ZFHX3: variants seen among roughly 807,000 people sequenced by gnomAD.
ZFHX3 encodes the protein zinc finger homeobox protein 3.
In ZFHX3, 42 loss-of-function variants were observed where a neutral mutation model predicts 279.1. The ratio of observed to expected loss-of-function variants is 0.15; its 90% CI spans 0.12 to 0.19. ZFHX3 has a LOEUF of 0.19. Ranked by LOEUF, ZFHX3 falls within the 10% of genes least tolerant of loss-of-function variation. The pLI is 1.00. For missense variants in ZFHX3, 4,981 were observed against 4,754.0 expected (o/e 1.05, Z -1.40); for synonymous variants, 2,293 against 1,957.8 (o/e 1.17, Z -4.52).
At chr16:73,527,765 G>A (rs1386979142) in intron 2 of ZFHX3, among the ~76,000 whole-genome samples, 20 of 152,202 alleles carry the variant, frequency 1.3e-4, no homozygotes, top group Non-Finnish European at 2.9e-5. Flanking sequence ...CCAGCCACCA[G>A]TCAGTGGGGA....
At chr16:72,874,194 TTTGA>T (rs2038241774) in intron 4 of ZFHX3, among the ~76,000 whole-genome samples, 1 of 127,924 alleles carries the variant, frequency 7.8e-6, no homozygotes, top group African/African-American at 2.9e-5. Context: ...TGGAGGATTT[TTTGA>T]TTTTTTTTTT....
chr16:72,921,553 G>A (rs1298351817), intron 3 of ZFHX3, among the ~76,000 whole-genome samples: 1 of 152,234 alleles, frequency 6.6e-6, no homozygotes. Context: ...ATTTGGCTTT[G>A]GGGCTATTCT....
chr16:73,841,626 C>T (rs1273912748), intron 1 of ZFHX3, among the ~76,000 whole-genome samples: 3 of 152,226 alleles, frequency 2.0e-5, no homozygotes, highest in African/African-American at 2.4e-5. Flanking sequence ...ACTATCTCCT[C>T]CCCAAGAGCT....
At chr16:73,860,032 C>T (rs1049150695) in intron 1 of ZFHX3, among the ~76,000 whole-genome samples, 2 of 152,160 alleles carry the variant, frequency 1.3e-5, no homozygotes, top group Non-Finnish European at 2.9e-5. Flanking sequence ...GTGAAGGTCA[C>T]AGCAACTTTT....
At chr16:73,285,992 T>A (rs2014585884) in intron 4 of ZFHX3, among the ~76,000 whole-genome samples, 1 of 152,252 alleles carries the variant, frequency 6.6e-6, no homozygotes, top group Admixed American at 6.5e-5. Flanking sequence ...GTATTTATTA[T>A]ACATTTTGGA....
chr16:73,522,549 G>A (rs902626884), intron 2 of ZFHX3, among the ~76,000 whole-genome samples: 10 of 152,166 alleles, frequency 6.6e-5, no homozygotes, highest in Admixed American at 5.9e-4. Flanking sequence ...TTACTTGGGA[G>A]AGGGGAACTT....
intron 2 of ZFHX3, among the ~76,000 whole-genome samples, chr16:73,584,637 A>G (rs1315693826): frequency 6.6e-6 from 1 of 152,234 alleles, no homozygotes; most frequent in Admixed American, 6.5e-5. Context: ...ATTTTTGTAA[A>G]GTCAAAGATG....
chr16:73,411,611 AG>A (rs1409042042), intron 3 of ZFHX3, among the ~76,000 whole-genome samples: 1 of 152,204 alleles, frequency 6.6e-6, no homozygotes, highest in Non-Finnish European at 1.5e-5. Flanking sequence ...TTGGGGTATA[AG>A]TTTACCTTGT....
intron 6 of ZFHX3, among the ~76,000 whole-genome samples, chr16:73,140,269 G>T (rs1567400076): frequency 6.6e-6 from 1 of 151,920 alleles, no homozygotes. Context: ...TCAAAAAAAA[G>T]GTATAAAATA....
At chr16:73,010,754 G>A (rs1373371922) in intron 1 of ZFHX3, among the ~76,000 whole-genome samples, 1 of 152,186 alleles carries the variant, frequency 6.6e-6, no homozygotes, top group Non-Finnish European at 1.5e-5. Context: ...TACTCCAGGA[G>A]ACATTTACAT....
chr16:73,063,406 C>A (rs533322633), upstream of ZFHX3, among the ~76,000 whole-genome samples: 2 of 152,318 alleles, frequency 1.3e-5, no homozygotes, highest in South Asian at 4.1e-4. Flanking sequence ...TCGCCCCGGT[C>A]CACTCCCTGA....
intron 1 of ZFHX3, among the ~76,000 whole-genome samples, chr16:73,888,906 C>CA (rs1555506989): frequency 2.6e-5 from 4 of 151,516 alleles, no homozygotes; most frequent in Non-Finnish European, 1.5e-5. Flanking sequence ...ACCACCCCCC[C>CA]AAAAAATCCT....
At chr16:73,492,959 C>T (rs1269357073) in intron 2 of ZFHX3, among the ~76,000 whole-genome samples, 1 of 151,486 alleles carries the variant, frequency 6.6e-6, no homozygotes, top group East Asian at 1.9e-4. Flanking sequence ...AAATGTTAAT[C>T]AAGTGAATAA....
At chr16:72,885,363 G>C (rs2038597673) in intron 4 of ZFHX3, among the ~76,000 whole-genome samples, 2 of 152,260 alleles carry the variant, frequency 1.3e-5, no homozygotes, top group Non-Finnish European at 2.9e-5. Flanking sequence ...AGCCAGTCAT[G>C]GCAGATATAG....
intron 5 of ZFHX3, among the ~76,000 whole-genome samples, chr16:72,823,082 G>GA (rs1184468300): frequency 5.3e-5 from 8 of 151,724 alleles, no homozygotes; most frequent in Non-Finnish European, 7.4e-5. Flanking sequence ...AAGTGGCCTG[G>GA]AAAAAAAAGA....
intron 2 of ZFHX3, among the ~76,000 whole-genome samples, chr16:72,953,022 T>A (rs1961068642): frequency 6.6e-6 from 1 of 152,202 alleles, no homozygotes. Flanking sequence ...CAGTGGCTCA[T>A]CAGAGAAAAT....
chr16:72,952,847 G>A (rs964203477), intron 2 of ZFHX3, among the ~76,000 whole-genome samples: 4 of 152,116 alleles, frequency 2.6e-5, no homozygotes, highest in African/African-American at 4.8e-5. Context: ...AGAAGCGTAC[G>A]GTCAAGCAGA....
In ZFHX3 at chr16:72,787,728, G is replaced by A. The variant is rs558599527; in HGVS notation, c.10548C>T (p.Gly3516=). 1.4e-4 allele frequency: 197 copies of A among 1,397,982 alleles called. 15 individuals carry two copies. In the East Asian group the frequency reaches 3.2e-3, roughly 23 times the overall value. The allele number at this position is 1,397,982 out of a possible 1,614,324, so 86.6% of individuals were successfully genotyped here. A position where few individuals can be genotyped will look rare whatever the true frequency, so the allele number is the denominator to read the frequency against. Residue 3516 remains glycine (G), a synonymous_variant, in exon 10 of 10, where the codon GGC becomes GGT. Transcript: ENST00000268489. ...CGCCGCCGCCGCCGCCACCGCCGCC[G>A]CCGCCGCCACTGCCACCGCCGCCGC... ...TGGGGGGSGG[G]GGGGGGGGGG...
chr16:72,818,756 A>G (rs948985325), intron 5 of ZFHX3, among the ~76,000 whole-genome samples: 2 of 152,224 alleles, frequency 1.3e-5, no homozygotes, highest in African/African-American at 4.8e-5. Flanking sequence ...AGAACCTTCT[A>G]TTCAAAACAC....
Sources: allele counts gnomAD v4.1 joint callset (sites outside exome capture counted in the v4.1 genomes callset), GRCh38; gene constraint gnomAD v4.1.1; transcripts MANE v1.5; gene names NCBI Gene and HGNC (gene_info 2026-07-23, HGNC 2026-07-21).